AFAP1L2: variants seen among roughly 807,000 people sequenced by gnomAD.
AFAP1L2 encodes actin filament associated protein 1 like 2, also known as actin filament-associated protein 1-like 2.
Under a neutral mutation model 99.3 loss-of-function variants are expected in AFAP1L2, and 46 were observed. The observed-to-expected ratio is 0.46, with a 90% confidence interval of 0.37 to 0.59. The LOEUF (loss-of-function observed/expected upper bound fraction) is 0.59. AFAP1L2 is among the 20% of genes least tolerant of loss of function. The pLI is 0.00. For missense variants in AFAP1L2, 959 were observed against 1,034.9 expected, an observed-to-expected ratio of 0.93 and a Z score of 1.01; for synonymous variants, 397 against 419.1, an observed-to-expected ratio of 0.95 and a Z score of 0.64.
chr10:114,331,722 A>C, intron 4 of AFAP1L2, 81 bp downstream of exon 4: 1 of 1,002,488 alleles, frequency 1.0e-6, no homozygotes, highest in Non-Finnish European at 1.3e-6. Flanking sequence ...CCAGACACTT[A>C]GTGAGCTGAC....
rs189130708 is a variant in AFAP1L2 at position 114,326,727 on chromosome 10, G to A, written c.316-3466C>T. 3.0e-3 allele frequency among the ~76,000 whole-genome samples: 454 copies of A among 152,260 alleles called. 2 individuals are homozygous for A. Among genetic ancestry groups the A allele is most frequent in the Middle Eastern group, 6.8e-3 (2 of 294 alleles). On this transcript the variant is annotated intron_variant, in intron 4 of 18. Transcript: ENST00000304129. ...TGGGACATCCTTGCTATGTGACTCC[G>A]ACCAATTCACTTGACCTCTCTGGAC... is the stretch of plus-strand genomic sequence containing the variant.
intron 1 of AFAP1L2, among the ~76,000 whole-genome samples, chr10:114,349,383 CAAAAA>C (rs113553514): frequency 1.0e-4 from 9 of 86,248 alleles, no homozygotes; most frequent in African/African-American, 3.4e-4. Flanking sequence ...AACTCGGTCT[CAAAAA>C]AAAAAAAAAA....
chr10:114,400,258 G>C (rs923672964), intron 1 of AFAP1L2, among the ~76,000 whole-genome samples: 2 of 152,204 alleles, frequency 1.3e-5, no homozygotes, highest in Non-Finnish European at 2.9e-5. Context: ...TGTGCTGGAA[G>C]CAGCCCAGCT....
intron 1 of AFAP1L2, among the ~76,000 whole-genome samples, chr10:114,344,090 A>T (rs948324132): frequency 6.6e-6 from 1 of 152,166 alleles, no homozygotes; most frequent in Non-Finnish European, 1.5e-5. Context: ...GCAAACAAAC[A>T]TTTCCTACTG....
At chr10:114,387,811 C>T (rs1214742569) in intron 1 of AFAP1L2, among the ~76,000 whole-genome samples, 1 of 152,122 alleles carries the variant, frequency 6.6e-6, no homozygotes, top group Non-Finnish European at 1.5e-5. Flanking sequence ...AGCATTCATG[C>T]CTCATGGAAG....
chr10:114,321,672 G>A (rs1444816980), intron 5 of AFAP1L2, among the ~76,000 whole-genome samples: 2 of 152,204 alleles, frequency 1.3e-5, no homozygotes, highest in African/African-American at 4.8e-5. Context: ...GAAGGAAAGA[G>A]AAGGAGGACA....
At chr10:114,357,688 T>C (rs1016583047) in intron 1 of AFAP1L2, among the ~76,000 whole-genome samples, 4 of 152,224 alleles carry the variant, frequency 2.6e-5, no homozygotes, top group African/African-American at 9.6e-5. Flanking sequence ...TTACATGTAT[T>C]CCTTGAAATA....
chr10:114,297,368 T>A lies in AFAP1L2; in HGVS notation c.2159A>T (p.Asp720Val). The A allele has an allele frequency of 6.2e-7, 1 of 1,613,598 alleles. No individual in the cohort carries two copies. Among genetic ancestry groups the A allele is most frequent in the Non-Finnish European group, 8.5e-7 (1 of 1,179,966 alleles). ...ASLEQKLKEI[D>V]EECRGEESRR... Reference sequence around the variant, plus strand: ...GCTCTCCTCGCCCCGGCACTCCTCGTCAATTTCCTTCAGCTTCTGCTCCAG... The same window carrying A: ...GCTCTCCTCGCCCCGGCACTCCTCGACAATTTCCTTCAGCTTCTGCTCCAG... Residue 720 changes from aspartate (D) to valine (V), a missense_variant, in exon 17 of 19, where the codon GAC becomes GTC. Physicochemically the swap from Asp to Val is radical, Grantham distance 152. Around this residue, in one of 2 missense-constraint regions of AFAP1L2, gnomAD observed 576 missense variants for 562.1 expected, o/e 1.02. Transcript: ENST00000304129.
intron 1 of AFAP1L2, among the ~76,000 whole-genome samples, chr10:114,343,931 GAGA>G (rs2049145436): frequency 6.6e-6 from 1 of 152,176 alleles, no homozygotes; most frequent in Non-Finnish European, 1.5e-5. Flanking sequence ...AGCCGAACCA[GAGA>G]AGAACGGGAG....
At chr10:114,382,949 C>A (rs1372231641) in intron 1 of AFAP1L2, among the ~76,000 whole-genome samples, 1 of 152,104 alleles carries the variant, frequency 6.6e-6, no homozygotes, top group Non-Finnish European at 1.5e-5. Context: ...GATACCAACA[C>A]ATAAAAATGA....
intron 1 of AFAP1L2, among the ~76,000 whole-genome samples, chr10:114,396,661 G>GA (rs1347083273): frequency 2.6e-5 from 4 of 152,016 alleles, no homozygotes; most frequent in Non-Finnish European, 5.9e-5. Flanking sequence ...TTTATTGGTA[G>GA]AAAAAAAAGA....
chr10:114,349,399 A>AAG lies in AFAP1L2; in HGVS notation c.17-8669_17-8668insCT, dbSNP rs1554926984. Among the ~76,000 whole-genome samples the AAG allele has an allele frequency of 3.3e-3, 467 of 141,664 alleles. 1 individual carries two copies. The highest frequency in any genetic ancestry group is 5.7e-3 in the Non-Finnish European group (373 of 65,036). The allele number at this position is 141,664 out of a possible 152,430, so 92.9% of individuals were successfully genotyped here. Reference sequence around the variant, plus strand: ...ACTCGGTCTCAAAAAAAAAAAAAAAAAAAAGAAAAGAAAAGAGAAACAAAA... The same window carrying AAG: ...ACTCGGTCTCAAAAAAAAAAAAAAAAAGAAAAGAAAAGAAAAGAGAAACAAAA... On this transcript the variant is annotated intron_variant, in intron 1 of 18. Transcript: ENST00000304129.
intron 7 of AFAP1L2, 143 bp from the exon 8 acceptor site, chr10:114,310,586 C>A (rs2043077115): frequency 2.9e-6 from 2 of 701,542 alleles, no homozygotes; most frequent in Non-Finnish European, 4.6e-6. Flanking sequence ...GAGGACCCAC[C>A]CGACCCCAGC....
chr10:114,289,065 C>T, the AFAP1L2 span: 47 of 1,614,196 alleles, frequency 2.9e-5, no homozygotes, highest in East Asian at 4.5e-5. Flanking sequence ...TGAACCCTGA[C>T]GTGACACAGG....
chr10:114,305,504 GAGATGCA>G (rs2042098804), intron 10 of AFAP1L2, among the ~76,000 whole-genome samples: 2 of 136,492 alleles, frequency 1.5e-5, no homozygotes, highest in Admixed American at 7.3e-5. Flanking sequence ...GCTGCAGGAG[GAGATGCA>G]GGAGGGGGTG....
chr10:114,300,818 T>A, intron 13 of AFAP1L2, 128 bp from the exon 14 acceptor site: 17 of 1,270,450 alleles, frequency 1.3e-5, no homozygotes, highest in Non-Finnish European at 1.6e-5. Flanking sequence ...CCCTCCCTGC[T>A]GGGGGGGCCA....
At chr10:114,286,614 G>C in the AFAP1L2 span, 2 of 1,012,452 alleles carry the variant, frequency 2.0e-6, no homozygotes. Context: ...CTCTTCTAGG[G>C]GCTGAAACCA....
downstream of AFAP1L2, among the ~76,000 whole-genome samples, chr10:114,292,533 A>G (rs2039697121): frequency 6.6e-6 from 1 of 150,898 alleles, no homozygotes; most frequent in Non-Finnish European, 1.5e-5. Context: ...AAACAGGGAT[A>G]TTTGTACCTA....
the AFAP1L2 span, chr10:114,285,968 G>T: frequency 6.2e-7 from 1 of 1,607,940 alleles, no homozygotes; most frequent in South Asian, 1.1e-5. Flanking sequence ...ATGCAGGGTC[G>T]ACCTCCTCTT....
Sources: allele counts gnomAD v4.1 joint callset (sites outside exome capture counted in the v4.1 genomes callset), GRCh38; gene constraint gnomAD v4.1.1; regional missense constraint gnomAD v4.1.1; transcripts MANE v1.5; gene names NCBI Gene and HGNC (gene_info 2026-07-23, HGNC 2026-07-21).